HEATR5A: variants seen among roughly 807,000 people sequenced by gnomAD.
The protein encoded by HEATR5A is HEAT repeat containing 5A, also known as HEAT repeat-containing protein 5A.
In HEATR5A, 178 loss-of-function variants were observed where a neutral mutation model predicts 218.8. The ratio of observed to expected loss-of-function variants is 0.81; its 90% CI spans 0.72 to 0.92. The LOEUF (loss-of-function observed/expected upper bound fraction) is 0.92. HEATR5A is among the 40% of genes least tolerant of loss of function. The pLI is 0.00. For synonymous variants in HEATR5A, 864 were observed against 871.6 expected, an observed-to-expected ratio of 0.99 and a Z score of 0.15; for missense variants, 2,420 against 2,418.9, an observed-to-expected ratio of 1.00 and a Z score of -0.01.
intron 26 of HEATR5A, 67 bp downstream of exon 26, chr14:31,318,156 TA>T: frequency 1.5e-6 from 2 of 1,342,780 alleles, no homozygotes; most frequent in East Asian, 2.3e-5. Context: ...AAAACATTGG[TA>T]AAAAAATACT....
chr14:31,308,888 C>T (rs199916458), intron 29 of HEATR5A, 46 bp downstream of exon 29: 2 of 1,341,774 alleles, frequency 1.5e-6, no homozygotes, highest in Non-Finnish European at 2.0e-6. Flanking sequence ...AAAAAAAAAA[C>T]AAAAAACCCC....
intron 13 of HEATR5A, among the ~76,000 whole-genome samples, chr14:31,367,569 ATTTT>A (rs567217496): frequency 6.6e-5 from 4 of 60,318 alleles, no homozygotes; most frequent in East Asian, 1.2e-3. Flanking sequence ...TGCCCAGCTA[ATTTT>A]TTTTTTTTTT....
At chr14:31,410,964 G>A (rs892980299) in intron 1 of HEATR5A, among the ~76,000 whole-genome samples, 35 of 152,058 alleles carry the variant, frequency 2.3e-4, no homozygotes, top group African/African-American at 8.4e-4. Context: ...AATTTGAAAT[G>A]TTAACAATAT....
At chr14:31,377,125 TAAAAAAA>T (rs35859115) in intron 11 of HEATR5A, among the ~76,000 whole-genome samples, 2 of 125,566 alleles carry the variant, frequency 1.6e-5, no homozygotes, top group Non-Finnish European at 3.3e-5. Flanking sequence ...CCCTGTCTCT[TAAAAAAA>T]AAAAAAAAAA....
At chr14:31,399,625 T>C (rs2030794288) in intron 3 of HEATR5A, among the ~76,000 whole-genome samples, 1 of 151,328 alleles carries the variant, frequency 6.6e-6, no homozygotes. Flanking sequence ...AGGTTAGGAG[T>C]TTGAGACCAG....
intron 20 of HEATR5A, 99 bp from the exon 21 acceptor site, chr14:31,344,164 T>G (rs1900936089): frequency 1.6e-6 from 1 of 612,122 alleles, no homozygotes; most frequent in Non-Finnish European, 2.5e-6. Flanking sequence ...AGTTTAAACA[T>G]ATATTACAGG....
chr14:31,396,835 A>C (rs2030672851), intron 4 of HEATR5A, among the ~76,000 whole-genome samples: 1 of 152,252 alleles, frequency 6.6e-6, no homozygotes, highest in South Asian at 2.1e-4. Context: ...ATAGGGGAGC[A>C]ACAATATACT....
At chr14:31,403,855 T>G (rs1054172164) in intron 1 of HEATR5A, among the ~76,000 whole-genome samples, 1 of 152,224 alleles carries the variant, frequency 6.6e-6, no homozygotes, top group Non-Finnish European at 1.5e-5. Context: ...TGTATGTATA[T>G]ACATACATAT....
At chr14:31,304,383 A>G (rs945992978) in intron 32 of HEATR5A, among the ~76,000 whole-genome samples, 1 of 152,134 alleles carries the variant, frequency 6.6e-6, no homozygotes, top group Non-Finnish European at 1.5e-5. Context: ...ATCATAGAAG[A>G]GCATATCTAT....
chr14:31,312,143 T>A (rs1234449859), intron 28 of HEATR5A, among the ~76,000 whole-genome samples: 3 of 151,882 alleles, frequency 2.0e-5, no homozygotes, highest in Non-Finnish European at 2.9e-5. Context: ...GAAAGTTGAG[T>A]TTGAGAACAA....
intron 12 of HEATR5A, among the ~76,000 whole-genome samples, chr14:31,373,396 T>C (rs530105998): frequency 5.9e-5 from 9 of 151,770 alleles, no homozygotes; most frequent in African/African-American, 2.2e-4. Context: ...TGGCGCATTC[T>C]CAACTCACTA....
intron 33 of HEATR5A, chr14:31,296,326 T>C (rs933149681): frequency 1.2e-5 from 4 of 323,158 alleles, no homozygotes; most frequent in Non-Finnish European, 2.3e-5. Flanking sequence ...ACATATTTAT[T>C]AGTTGTGTGA....
At chr14:31,301,095 T>C (rs1899355428) in intron 33 of HEATR5A, among the ~76,000 whole-genome samples, 1 of 152,164 alleles carries the variant, frequency 6.6e-6, no homozygotes, top group South Asian at 2.1e-4. Flanking sequence ...TTGAAAACAT[T>C]TTATATGTAA....
chr14:31,358,872 C>T (rs569667178), intron 15 of HEATR5A, 22 bp downstream of exon 15: 1 of 1,600,140 alleles, frequency 6.2e-7, no homozygotes, highest in Non-Finnish European at 8.5e-7. Flanking sequence ...TGAATCTAAT[C>T]AAGAGTAAAA....
intron 1 of HEATR5A, among the ~76,000 whole-genome samples, chr14:31,409,868 C>T (rs1016720866): frequency 1.3e-5 from 2 of 152,130 alleles, no homozygotes; most frequent in East Asian, 3.9e-4. Flanking sequence ...TTTTCTCTCT[C>T]TAGAGTTTAC....
chr14:31,298,305 T>TGTCA (rs1239697492), intron 33 of HEATR5A, among the ~76,000 whole-genome samples: 1 of 152,216 alleles, frequency 6.6e-6, no homozygotes, highest in African/African-American at 2.4e-5. Context: ...ACATTTAACC[T>TGTCA]GTCATGACCA....
At chr14:31,339,353 G>A (rs1445186582) in intron 21 of HEATR5A, among the ~76,000 whole-genome samples, 2 of 148,598 alleles carry the variant, frequency 1.3e-5, no homozygotes, top group Non-Finnish European at 3.0e-5. Context: ...GAGAGGCTGA[G>A]GCAGGAGAAT....
chr14:31,341,431 T>A (rs181061663), intron 21 of HEATR5A, among the ~76,000 whole-genome samples: 1 of 152,256 alleles, frequency 6.6e-6, no homozygotes, highest in African/African-American at 2.4e-5. Flanking sequence ...TCTTGCTCCA[T>A]TGCCCAGGGT....
intron 26 of HEATR5A, among the ~76,000 whole-genome samples, chr14:31,316,244 G>A (rs758199080): frequency 3.3e-5 from 5 of 151,944 alleles, no homozygotes; most frequent in South Asian, 4.1e-4. Context: ...ATTGAGCCAC[G>A]TATCTAGACC....
Sources: gnomAD v4.1 joint callset for allele counts (sites outside exome capture counted in the v4.1 genomes callset) on GRCh38, gnomAD v4.1.1 for gene constraint, MANE v1.5 for transcripts, NCBI Gene and HGNC (gene_info 2026-07-23, HGNC 2026-07-21) for gene names.